The following PHACTR4 variants were observed in gnomAD, a reference collection of about 807,000 sequenced individuals.
PHACTR4 encodes protein phosphatase 1, regulatory subunit 124.
A neutral mutation model predicts 72.7 loss-of-function variants in PHACTR4; 51 were observed. The ratio of observed to expected loss-of-function variants is 0.70; its 90% confidence interval spans 0.56 to 0.89. The LOEUF (loss-of-function observed/expected upper bound fraction) is 0.89, where lower values mean the gene tolerates loss of function less well. PHACTR4 is among the 40% of genes least tolerant of loss of function. The probability of loss-of-function intolerance (pLI) is 0.00; values close to 1 mark genes in which losing one functional copy is unlikely to be tolerated. For missense variants in PHACTR4, 731 were observed against 861.8 expected, an observed-to-expected ratio of 0.85 and a Z score of 1.90; for synonymous variants, 255 against 302.5, an observed-to-expected ratio of 0.84 and a Z score of 1.63.
Position 28,476,302 on chromosome 1 carries a change from G to C in PHACTR4, c.1606+11G>C, listed in dbSNP as rs755950160. Reference sequence around the variant, plus strand: ...ATGAAAGCTATCAGAGTAAGAAAGGGAGGGAAAAGCAAAACAGAGAATTCT... The same window carrying C: ...ATGAAAGCTATCAGAGTAAGAAAGGCAGGGAAAAGCAAAACAGAGAATTCT... On this transcript the variant is annotated intron_variant, in intron 8 of 13. Transcript: ENST00000373839. 1.9e-6 allele frequency: 3 copies of C among 1,578,478 alleles called. No homozygotes were observed. The African/African-American group carries it at 4.1e-5, about 22-fold the overall frequency.
In PHACTR4 at chr1:28,388,951, C is replaced by T. The variant is rs754498222; in HGVS notation, c.-38-18459C>T. Among the ~76,000 whole-genome samples the T allele has an allele frequency of 2.6e-5, 4 of 152,114 alleles. No homozygotes were observed. The South Asian group carries it at 8.3e-4, about 32-fold the overall frequency. On this transcript the variant is annotated intron_variant, in intron 1 of 13. Coordinates refer to ENST00000373839, the MANE Select transcript of PHACTR4 (RefSeq NM_001048183.3). Reference sequence around the variant, plus strand: ...ACAAGAGAAAGCTTCATGACTTGGTCTGGGCAATGATTTTTTGATTATGAC... The same window carrying T: ...ACAAGAGAAAGCTTCATGACTTGGTTTGGGCAATGATTTTTTGATTATGAC...
Position 28,381,294 on chromosome 1 carries a change from C to T in PHACTR4, c.-39+11469C>T, listed in dbSNP as rs574328739. 1.9e-4 allele frequency among the ~76,000 whole-genome samples: 24 copies of T among 125,832 alleles called. No individual in the cohort carries two copies. The East Asian group carries it at 3.1e-3, about 16-fold the overall frequency. 82.6% of individuals were successfully genotyped at this position (125,832 alleles called of 152,430 possible). A position where few individuals can be genotyped will look rare whatever the true frequency, so the allele number is the denominator to read the frequency against. ...CTGAGATTACAGCCGTGAGCCACTG[C>T]GCCTGGCCTTTTTTTTTTTTTTGAG... On this transcript the variant is annotated intron_variant, in intron 1 of 13. Coordinates refer to ENST00000373839, the MANE Select transcript of PHACTR4 (RefSeq NM_001048183.3).
At chr1:28,412,318 C>T (rs1449584675) in intron 2 of PHACTR4, among the ~76,000 whole-genome samples, 1 of 152,076 alleles carries the variant, frequency 6.6e-6, no homozygotes, top group Non-Finnish European at 1.5e-5. Flanking sequence ...AATAGTATTC[C>T]ATGAAGAAAA....
At chr1:28,405,812 A>T (rs1352014881) in intron 1 of PHACTR4, among the ~76,000 whole-genome samples, 1 of 151,588 alleles carries the variant, frequency 6.6e-6, no homozygotes, top group Non-Finnish European at 1.5e-5. Flanking sequence ...AATCACTTGA[A>T]CCCAGGAGGC....
intron 9 of PHACTR4, among the ~76,000 whole-genome samples, chr1:28,488,573 T>C (rs1040589095): frequency 4.5e-4 from 69 of 152,084 alleles, no homozygotes; most frequent in African/African-American, 1.5e-3. Context: ...GAAGATAGCT[T>C]GAGCCCAGGA....
At chr1:28,430,190 T>A (rs1656155621) in intron 2 of PHACTR4, among the ~76,000 whole-genome samples, 1 of 151,790 alleles carries the variant, frequency 6.6e-6, no homozygotes, top group Non-Finnish European at 1.5e-5. Flanking sequence ...ACCAGGCTAA[T>A]TTTTTTTGTA....
rs566518106 is a variant in PHACTR4, at chr1:28,448,862, C to T, written c.17-10223C>T. Among the ~76,000 whole-genome samples, 7 of 12,290 alleles carry T rather than the reference C, an allele frequency of 5.7e-4. No homozygotes were observed. In the South Asian group the frequency reaches 8.5e-3, roughly 15 times the overall value. The allele number at this position is 12,290 out of a possible 152,430, so 8.1% of individuals were successfully genotyped here. A position where few individuals can be genotyped will look rare whatever the true frequency, so the allele number is the denominator to read the frequency against. ...TTACTTATTACCAAGTCAAGTAAAG[C>T]GGGGGGCGGGGGTGGGGGGACAAGG... On this transcript the variant is annotated intron_variant, in intron 2 of 13. Transcript: ENST00000373839.
chr1:28,433,658 A>G (rs1656437669), intron 2 of PHACTR4, among the ~76,000 whole-genome samples: 2 of 150,174 alleles, frequency 1.3e-5, no homozygotes, highest in South Asian at 4.2e-4. Context: ...GAGTTTTTCC[A>G]TGTTGGCCAG....
At chr1:28,451,921 T>G (rs1300457804) in intron 2 of PHACTR4, among the ~76,000 whole-genome samples, 1 of 152,122 alleles carries the variant, frequency 6.6e-6, no homozygotes, top group Non-Finnish European at 1.5e-5. Flanking sequence ...ATTAAAAGCA[T>G]GAGCCACCAT....
At chr1:28,370,293 G>C (rs778624640) in intron 1 of PHACTR4, among the ~76,000 whole-genome samples, 42 of 152,292 alleles carry the variant, frequency 2.8e-4, no homozygotes, top group Non-Finnish European at 5.7e-4. Flanking sequence ...GGGGGCTTCG[G>C]AGCCAGGCGG....
chr1:28,426,220 C>CAAAA (rs34637242), intron 2 of PHACTR4, among the ~76,000 whole-genome samples: 1 of 147,040 alleles, frequency 6.8e-6, no homozygotes, highest in Non-Finnish European at 1.5e-5. Flanking sequence ...GAAACCTTCT[C>CAAAA]AAAAAAAAAA....
intron 2 of PHACTR4, among the ~76,000 whole-genome samples, chr1:28,444,243 T>TCC (rs543939396): frequency 1.7e-4 from 17 of 97,372 alleles, no homozygotes; most frequent in African/African-American, 7.2e-4. Flanking sequence ...TTTTTTTTTT[T>TCC]TGAGACAGAG....
intron 8 of PHACTR4, among the ~76,000 whole-genome samples, chr1:28,479,502 G>T (rs1660135795): frequency 6.6e-6 from 1 of 150,406 alleles, no homozygotes; most frequent in Non-Finnish European, 1.5e-5. Context: ...AGAATTGCTT[G>T]AGCCTGGGAG....
chr1:28,398,179 G>T (rs978470148), intron 1 of PHACTR4, among the ~76,000 whole-genome samples: 4 of 152,138 alleles, frequency 2.6e-5, no homozygotes, highest in Admixed American at 6.6e-5. Context: ...ATATACCTAT[G>T]TTAACACCAC....
chr1:28,480,469 T>C lies in PHACTR4; in HGVS notation c.1625T>C (p.Val542Ala), dbSNP rs1049784618. 5.0e-6 allele frequency: 8 copies of C among 1,613,914 alleles called. No individual in the cohort carries two copies. The highest frequency in any genetic ancestry group is 6.8e-6 in the Non-Finnish European group (8 of 1,179,954). The change falls in exon 9 of 14, where the codon GTG becomes GCG. Residue 542 changes from valine (V) to alanine (A), a missense_variant. Transcript: ENST00000373839. The stretch of plus-strand genomic sequence containing the variant: ...TGCAAAGGTGCTCTCGCCAACAAAG[T>C]GAAGAGGAAAGACACACTGGCAATG... The part of the protein sequence containing the change: ...ESYQSALANK[V>A]KRKDTLAMKL...
At chr1:28,441,703 T>C (rs1341390596) in intron 2 of PHACTR4, among the ~76,000 whole-genome samples, 2 of 152,200 alleles carry the variant, frequency 1.3e-5, no homozygotes, top group Non-Finnish European at 2.9e-5. Flanking sequence ...AGATAAAACA[T>C]TGCAATCAGG....
chr1:28,441,891 C>T (rs988273184), intron 2 of PHACTR4, among the ~76,000 whole-genome samples: 2 of 152,064 alleles, frequency 1.3e-5, no homozygotes, highest in African/African-American at 2.4e-5. Context: ...ACTTGGGAAG[C>T]TTAGGTGGGA....
intron 2 of PHACTR4, chr1:28,438,489 G>A: frequency 6.4e-7 from 1 of 1,570,676 alleles, no homozygotes; most frequent in Non-Finnish European, 8.7e-7. Context: ...AGATTTACAG[G>A]TGAACTTGAG....
intron 6 of PHACTR4, among the ~76,000 whole-genome samples, chr1:28,472,370 T>C (rs924640368): frequency 6.6e-6 from 1 of 152,088 alleles, no homozygotes; most frequent in Non-Finnish European, 1.5e-5. Flanking sequence ...CTATATTTTT[T>C]CCCCTGTCAC....
Sources: allele counts gnomAD v4.1 joint callset (sites outside exome capture counted in the v4.1 genomes callset), GRCh38; gene constraint gnomAD v4.1.1; transcripts MANE v1.5; gene names NCBI Gene and HGNC (gene_info 2026-07-23, HGNC 2026-07-21).